The following AK9 variants were observed in gnomAD, a reference collection of about 807,000 sequenced individuals.
The protein encoded by AK9 is adenylate kinase domain containing 1.
In AK9, 191 loss-of-function variants were observed where a neutral mutation model predicts 239.6. The observed-to-expected ratio is 0.80, with a 90% confidence interval of 0.71 to 0.90. AK9 has a LOEUF of 0.90. Among genes scored for constraint, AK9 ranks in the 40% least tolerant of loss-of-function variants. The pLI is 0.00. For synonymous variants in AK9, 689 were observed against 721.0 expected (o/e 0.96, Z 0.71); for missense variants, 1,995 against 2,214.7 (o/e 0.90, Z 1.99).
intron 20 of AK9, among the ~76,000 whole-genome samples, chr6:109,575,531 T>A (rs1290766444): frequency 6.6e-6 from 1 of 151,550 alleles, no homozygotes; most frequent in Non-Finnish European, 1.5e-5. Context: ...GGGATTATTA[T>A]TTTTTTTTCT....
At chr6:109,650,337 C>G (rs1798741563) in intron 8 of AK9, among the ~76,000 whole-genome samples, 1 of 152,104 alleles carries the variant, frequency 6.6e-6, no homozygotes, top group African/African-American at 2.4e-5. Context: ...ACCTACTCAT[C>G]TGACAATGGG....
At chr6:109,644,565 A>G (rs1023610672) in intron 9 of AK9, 49 bp downstream of exon 9, 1 of 1,476,276 alleles carries the variant, frequency 6.8e-7, no homozygotes, top group Non-Finnish European at 9.2e-7. Flanking sequence ...CTGTCAATAG[A>G]TTTAAATTTT....
At chr6:109,531,960 T>C (rs1313065833) in intron 28 of AK9, among the ~76,000 whole-genome samples, 1 of 152,184 alleles carries the variant, frequency 6.6e-6, no homozygotes, top group Non-Finnish European at 1.5e-5. Flanking sequence ...GAGGAATGGA[T>C]GGCAATGGCC....
chr6:109,596,948 T>G (rs12205941), intron 17 of AK9, among the ~76,000 whole-genome samples: 7,064 of 152,290 alleles, frequency 0.046, 375 homozygotes, highest in East Asian at 0.23. Flanking sequence ...CTTTATAGTA[T>G]TTTATCAAAC....
Position 109,670,691 on chromosome 6 carries a change from G to T in AK9, c.331+1228C>A, listed in dbSNP as rs143928127. ...TTAAGTTTTTCAAGAGGTAAGTGAGGTTAACAAATAGGTATTTACTTACCT... is the reference window on the plus strand; with the variant it reads ...TTAAGTTTTTCAAGAGGTAAGTGAGTTTAACAAATAGGTATTTACTTACCT... On this transcript the variant is annotated intron_variant, in intron 5 of 40. Transcript: ENST00000424296. 6.0e-3 allele frequency among the ~76,000 whole-genome samples: 918 copies of T among 152,078 alleles called. 7 individuals are homozygous for T. The highest frequency in any genetic ancestry group is 0.014 in the Middle Eastern group (4 of 294).
intron 17 of AK9, among the ~76,000 whole-genome samples, chr6:109,588,224 C>T (rs1445298779): frequency 2.0e-5 from 3 of 152,098 alleles, no homozygotes; most frequent in Non-Finnish European, 4.4e-5. Context: ...GCATGCGCCA[C>T]CATGCCTGGC....
chr6:109,630,687 A>T (rs1302292327), intron 12 of AK9, among the ~76,000 whole-genome samples: 1 of 152,090 alleles, frequency 6.6e-6, no homozygotes, highest in Non-Finnish European at 1.5e-5. Flanking sequence ...CTACAAAAAA[A>T]TACAAAAATT....
At chr6:109,592,446 CTT>C (rs55998817) in intron 17 of AK9, among the ~76,000 whole-genome samples, 6 of 126,738 alleles carry the variant, frequency 4.7e-5, no homozygotes, top group Admixed American at 1.7e-4. Flanking sequence ...AATGGGATTT[CTT>C]TTTTTTTTTT....
intron 1 of AK9, among the ~76,000 whole-genome samples, chr6:109,678,679 A>T (rs1466110919): frequency 6.6e-6 from 1 of 152,166 alleles, no homozygotes; most frequent in Non-Finnish European, 1.5e-5. Flanking sequence ...ATAGCTGAAT[A>T]GGAACAGCTC....
At chr6:109,528,886 C>T (rs764621739) in intron 29 of AK9, 125 bp downstream of exon 29, 3 of 1,479,776 alleles carry the variant, frequency 2.0e-6, no homozygotes, top group Non-Finnish European at 1.8e-6. Context: ...CTTTGAGAGG[C>T]TGAGGTGGGA....
chr6:109,626,270 A>G (rs927328788), intron 12 of AK9, among the ~76,000 whole-genome samples: 7 of 152,232 alleles, frequency 4.6e-5, no homozygotes, highest in African/African-American at 7.2e-5. Context: ...TAAAGATTTT[A>G]TCTGCTAAAT....
At chr6:109,588,142 C>T (rs1789755049) in intron 17 of AK9, among the ~76,000 whole-genome samples, 1 of 151,724 alleles carries the variant, frequency 6.6e-6, no homozygotes. Flanking sequence ...GCGATCTCGA[C>T]TCACTGCAAG....
intron 1 of AK9, among the ~76,000 whole-genome samples, chr6:109,679,247 T>A (rs893334882): frequency 2.0e-5 from 3 of 152,148 alleles, no homozygotes; most frequent in African/African-American, 7.2e-5. Context: ...TGAAGTGACC[T>A]GGGATGCTGG....
chr6:109,640,796 C>T (rs1797329176), intron 10 of AK9, among the ~76,000 whole-genome samples: 1 of 152,086 alleles, frequency 6.6e-6, no homozygotes, highest in South Asian at 2.1e-4. Flanking sequence ...CTCCTTGTGG[C>T]ACTTTTGGCA....
At chr6:109,623,860 T>TACAC (rs1795153058) in intron 12 of AK9, among the ~76,000 whole-genome samples, 1 of 94,856 alleles carries the variant, frequency 1.1e-5, no homozygotes, top group Non-Finnish European at 2.1e-5. Context: ...TTAGGAATCT[T>TACAC]AGACACACAC....
chr6:109,536,773 G>A (rs1326260411), intron 27 of AK9, among the ~76,000 whole-genome samples: 2 of 152,204 alleles, frequency 1.3e-5, no homozygotes, highest in East Asian at 1.9e-4. Flanking sequence ...TTTGAGATAC[G>A]TCCCATCAAT....
chr6:109,538,395 A>C (rs964394661), intron 27 of AK9, among the ~76,000 whole-genome samples: 4 of 152,154 alleles, frequency 2.6e-5, no homozygotes, highest in East Asian at 1.9e-4. Context: ...TTGTTGGTTG[A>C]AAGTCTGTTT....
chr6:109,684,873 C>CAAAAAAAAAAAAAAA (rs60500211), intron 1 of AK9, among the ~76,000 whole-genome samples: 9 of 21,872 alleles, frequency 4.1e-4, no homozygotes, highest in African/African-American at 6.9e-4. Flanking sequence ...GACTCCGTCT[C>CAAAAAAAAAAAAAAA]AAAAAAAAAA....
chr6:109,494,808 C>G (rs1017994913), intron 39 of AK9, among the ~76,000 whole-genome samples: 1 of 139,150 alleles, frequency 7.2e-6, no homozygotes, highest in Non-Finnish European at 1.6e-5. Flanking sequence ...GTAAAGATAG[C>G]AGTTGGCTGC....
Sources: gnomAD v4.1 joint callset for allele counts (sites outside exome capture counted in the v4.1 genomes callset) on GRCh38, gnomAD v4.1.1 for gene constraint, MANE v1.5 for transcripts, NCBI Gene and HGNC (gene_info 2026-07-23, HGNC 2026-07-21) for gene names.